LRP1B: variants seen among roughly 807,000 people sequenced by gnomAD.
The protein encoded by LRP1B is low-density lipoprotein receptor-related protein 1B.
Under a neutral mutation model 556.6 loss-of-function variants are expected in LRP1B, and 217 were observed. The observed-to-expected ratio is 0.39, with a 90% CI of 0.35 to 0.44. The LOEUF is 0.44. LRP1B is among the 20% of genes least tolerant of loss of function. LRP1B has a pLI of 1.00. For synonymous variants in LRP1B, 2,047 were observed against 1,865.8 expected, an observed-to-expected ratio of 1.10 and a Z score of -2.50; for missense variants, 5,053 against 5,620.8, an observed-to-expected ratio of 0.90 and a Z score of 3.23.
intron 60 of LRP1B, among the ~76,000 whole-genome samples, chr2:140,457,966 ATGTG>A (rs145083660): frequency 2.0e-5 from 3 of 151,456 alleles, no homozygotes; most frequent in African/African-American, 4.8e-5. Context: ...TGATATATTT[ATGTG>A]TGTGTGTGTG....
At chr2:141,158,647 T>C (rs894533190) in intron 7 of LRP1B, among the ~76,000 whole-genome samples, 3 of 152,170 alleles carry the variant, frequency 2.0e-5, no homozygotes, top group African/African-American at 7.2e-5. Flanking sequence ...TATATCTCTT[T>C]TCTTTTTTCT....
chr2:141,169,856 T>G (rs1680423568), intron 7 of LRP1B, among the ~76,000 whole-genome samples: 2 of 151,002 alleles, frequency 1.3e-5, no homozygotes, highest in African/African-American at 2.4e-5. Context: ...TTGCTCATGA[T>G]GTTATTGATA....
chr2:141,545,229 C>T (rs1559132320), intron 2 of LRP1B, among the ~76,000 whole-genome samples: 1 of 152,152 alleles, frequency 6.6e-6, no homozygotes, highest in Non-Finnish European at 1.5e-5. Flanking sequence ...CTTCCTATAG[C>T]CCATCTCATA....
At chr2:140,386,074 CA>C (rs1683748422) in intron 66 of LRP1B, 65 bp from the exon 67 acceptor site, 1 of 926,330 alleles carries the variant, frequency 1.1e-6, no homozygotes, top group Admixed American at 2.0e-5. Flanking sequence ...ACAACGTCCT[CA>C]CTGCCATGCC....
Position 140,502,985 on chromosome 2 carries a change from T to G in LRP1B, c.8640A>C (p.Leu2880Phe). ...TACCTGCACTTTTACACTTTGGGTT[T>G]AAAGGTGCTTCATCAGAATGGTCAG... ...DCPDHSDEAP[L>F]NPKCKSAEQS... Residue 2880 changes from leucine to phenylalanine, a missense_variant, in exon 54 of 91, where the codon TTA becomes TTC. By Grantham distance (22) the Leu-to-Phe change is conservative. Transcript: ENST00000389484. The G allele has an allele frequency of 6.2e-7, 1 of 1,613,304 alleles. No homozygotes were observed. The highest frequency in any genetic ancestry group is 8.5e-7 in the Non-Finnish European group (1 of 1,179,342).
chr2:141,993,699 C>T (rs558168034), intron 1 of LRP1B, among the ~76,000 whole-genome samples: 2 of 152,266 alleles, frequency 1.3e-5, no homozygotes, highest in South Asian at 2.1e-4. Context: ...AAGTTACACA[C>T]TAAATGTCAG....
At position 141,882,264 on chromosome 2, in the gene LRP1B, T is replaced by C. The variant is rs990656830; in HGVS notation, c.83-71863A>G. Among the ~76,000 whole-genome samples the C allele has an allele frequency of 4.6e-5, 7 of 152,234 alleles. No homozygotes were observed. In the East Asian group the frequency reaches 1.2e-3, roughly 25 times the overall value. On this transcript the variant is annotated intron_variant, in intron 1 of 90. Transcript: ENST00000389484. ...GGCAAGAACCTAGTGGTAGATGATA[T>C]TGAATGTGAGCCTAGGTACATATTC... is the stretch of plus-strand genomic sequence containing the variant.
chr2:140,328,432 C>G (rs1165087067), intron 79 of LRP1B, among the ~76,000 whole-genome samples: 1 of 150,522 alleles, frequency 6.6e-6, no homozygotes, highest in East Asian at 2.0e-4. Context: ...TTTCTAAGAT[C>G]TACTAGTTCC....
intron 41 of LRP1B, among the ~76,000 whole-genome samples, chr2:140,641,941 T>C (rs1012044846): frequency 1.3e-5 from 2 of 152,216 alleles, no homozygotes; most frequent in Middle Eastern, 3.2e-3. Context: ...CAGAACAATG[T>C]AGCAAATTAC....
chr2:140,654,673 A>T (rs493007), intron 41 of LRP1B, among the ~76,000 whole-genome samples: 3 of 152,040 alleles, frequency 2.0e-5, no homozygotes, highest in Admixed American at 2.0e-4. Context: ...ACAGACTGAC[A>T]CTATAGATGG....
chr2:140,640,714 A>T (rs1377060597), intron 41 of LRP1B, among the ~76,000 whole-genome samples: 5 of 151,858 alleles, frequency 3.3e-5, no homozygotes, highest in Non-Finnish European at 7.4e-5. Context: ...CTTCAAAAAA[A>T]CCTATAACCA....
At chr2:141,720,125 C>A (rs1490106675) in intron 2 of LRP1B, among the ~76,000 whole-genome samples, 2 of 152,048 alleles carry the variant, frequency 1.3e-5, no homozygotes, top group Non-Finnish European at 2.9e-5. Flanking sequence ...TGTATAAAAA[C>A]AATGTTTGGC....
chr2:142,085,155 T>C (rs968111261), intron 1 of LRP1B, among the ~76,000 whole-genome samples: 2 of 152,214 alleles, frequency 1.3e-5, no homozygotes, highest in Non-Finnish European at 2.9e-5. Flanking sequence ...ACATCCAGCC[T>C]GTGCCTATAA....
intron 25 of LRP1B, among the ~76,000 whole-genome samples, chr2:140,877,746 G>C (rs1573833075): frequency 6.6e-6 from 1 of 152,244 alleles, no homozygotes; most frequent in East Asian, 1.9e-4. Context: ...TTTGCTTCGA[G>C]TTGTCCCACC....
At chr2:140,812,949 C>T (rs536140350) in intron 32 of LRP1B, among the ~76,000 whole-genome samples, 1 of 152,164 alleles carries the variant, frequency 6.6e-6, no homozygotes, top group Non-Finnish European at 1.5e-5. Context: ...ACAAAGAGTT[C>T]TTTTTTATGC....
rs570945360 is a variant in LRP1B, at chr2:142,032,760, G to A, written c.82+97888C>T. On this transcript the variant is annotated intron_variant, in intron 1 of 90. Coordinates refer to ENST00000389484, the MANE Select transcript of LRP1B (RefSeq NM_018557.3). ...GTTTCAAAATTTAGGGACCATCTTG[G>A]GCTGTCTCTGTTTTCAGCTAAACAT... 1.4e-4 allele frequency among the ~76,000 whole-genome samples: 22 copies of A among 151,790 alleles called. No homozygotes were observed. The South Asian group carries it at 4.4e-3, about 30-fold the overall frequency.
At chr2:140,368,355 A>C (rs1231426048) in intron 71 of LRP1B, among the ~76,000 whole-genome samples, 1 of 151,858 alleles carries the variant, frequency 6.6e-6, no homozygotes, top group Non-Finnish European at 1.5e-5. Context: ...GAAAATAAGC[A>C]TCTAGAGTTC....
At chr2:140,278,305 G>A (rs1682770077) in intron 84 of LRP1B, among the ~76,000 whole-genome samples, 1 of 151,944 alleles carries the variant, frequency 6.6e-6, no homozygotes, top group Admixed American at 6.6e-5. Flanking sequence ...TGTACACCTT[G>A]TAATATTTAA....
chr2:140,327,241 A>C (rs1360825523), intron 79 of LRP1B, among the ~76,000 whole-genome samples: 1 of 152,118 alleles, frequency 6.6e-6, no homozygotes, highest in African/African-American at 2.4e-5. Context: ...TAACTGGACC[A>C]AGACTTAATA....
Sources: gnomAD v4.1 joint callset for allele counts (sites outside exome capture counted in the v4.1 genomes callset) on GRCh38, gnomAD v4.1.1 for gene constraint, MANE v1.5 for transcripts, NCBI Gene and HGNC (gene_info 2026-07-23, HGNC 2026-07-21) for gene names.